The following SLX4IP variants were observed in gnomAD, a reference collection of about 807,000 sequenced individuals.
The protein encoded by SLX4IP is SLX4 interacting protein.
A neutral mutation model predicts 32.9 loss-of-function variants in SLX4IP; 34 were observed. The ratio of observed to expected loss-of-function variants is 1.03; its 90% CI spans 0.79 to 1.38. The LOEUF is 1.38. Ranked by LOEUF, SLX4IP falls within the 40% of genes most tolerant of loss-of-function variation. The probability of loss-of-function intolerance (pLI) is 0.00; values close to 1 mark genes in which losing one functional copy is unlikely to be tolerated. For synonymous variants in SLX4IP, 172 were observed against 171.7 expected (o/e 1.00, Z -0.01); for missense variants, 444 against 479.0 (o/e 0.93, Z 0.68).
intron 2 of SLX4IP, among the ~76,000 whole-genome samples, chr20:10,471,930 C>G (rs2065427992): frequency 6.6e-6 from 1 of 152,164 alleles, no homozygotes; most frequent in African/African-American, 2.4e-5. Flanking sequence ...CTAGCTTCCC[C>G]AGAGCACATG....
At chr20:10,453,898 T>G (rs1054204920) in intron 1 of SLX4IP, among the ~76,000 whole-genome samples, 7 of 152,154 alleles carry the variant, frequency 4.6e-5, no homozygotes, top group Non-Finnish European at 1.0e-4. Context: ...TTGCTGAAGT[T>G]TCTGAGAGAT....
intron 4 of SLX4IP, among the ~76,000 whole-genome samples, chr20:10,564,107 T>A (rs2066362425): frequency 8.1e-6 from 1 of 123,112 alleles, no homozygotes; most frequent in African/African-American, 3.1e-5. Flanking sequence ...TCTAGACACC[T>A]GCAGGGACAA....
At chr20:10,458,337 C>G in intron 2 of SLX4IP, 106 bp downstream of exon 2, 1 of 1,167,644 alleles carries the variant, frequency 8.6e-7, no homozygotes. Flanking sequence ...GCTTTTTACA[C>G]TTGGGACTCT....
intron 2 of SLX4IP, among the ~76,000 whole-genome samples, chr20:10,470,386 A>G (rs1312514514): frequency 1.3e-5 from 2 of 152,184 alleles, no homozygotes; most frequent in African/African-American, 4.8e-5. Context: ...TAGCCAAATA[A>G]TGTAACGATG....
intron 4 of SLX4IP, among the ~76,000 whole-genome samples, chr20:10,566,628 T>C (rs1406568136): frequency 6.6e-6 from 1 of 152,200 alleles, no homozygotes; most frequent in African/African-American, 2.4e-5. Context: ...AGGACCTTAC[T>C]CCAGTTCTAC....
chr20:10,539,498 T>TAAA (rs879928418), intron 2 of SLX4IP, among the ~76,000 whole-genome samples: 44 of 144,086 alleles, frequency 3.1e-4, no homozygotes, highest in African/African-American at 1.1e-3. Flanking sequence ...TTTGGTTTGT[T>TAAA]AAAAAAAAAA....
chr20:10,493,202 G>A (rs2065639616), intron 2 of SLX4IP, among the ~76,000 whole-genome samples: 1 of 152,108 alleles, frequency 6.6e-6, no homozygotes, highest in African/African-American at 2.4e-5. Flanking sequence ...AAACATTTGG[G>A]ATTTTGATTT....
intron 4 of SLX4IP, among the ~76,000 whole-genome samples, chr20:10,562,144 G>C (rs538472787): frequency 1.3e-5 from 2 of 152,278 alleles, no homozygotes; most frequent in South Asian, 4.1e-4. Flanking sequence ...CTGCAGGCGG[G>C]TTGCGTTAAT....
intron 4 of SLX4IP, among the ~76,000 whole-genome samples, chr20:10,596,789 A>G (rs1463117271): frequency 6.6e-6 from 1 of 152,196 alleles, no homozygotes; most frequent in African/African-American, 2.4e-5. Context: ...TGGACAAATA[A>G]ACAGATGTAG....
At chr20:10,445,450 G>A (rs1010088388) in intron 1 of SLX4IP, among the ~76,000 whole-genome samples, 1 of 150,864 alleles carries the variant, frequency 6.6e-6, no homozygotes, top group African/African-American at 2.4e-5. Context: ...CTAGTAGCTG[G>A]GATTACAGGT....
chr20:10,500,428 A>G (rs962370831), intron 2 of SLX4IP, among the ~76,000 whole-genome samples: 1 of 151,898 alleles, frequency 6.6e-6, no homozygotes, highest in African/African-American at 2.4e-5. Context: ...TGATGTGTTA[A>G]AGTTCTATGT....
At chr20:10,589,819 C>T (rs1228020307) in intron 4 of SLX4IP, among the ~76,000 whole-genome samples, 2 of 242 alleles carry the variant, frequency 8.3e-3, no homozygotes, top group Non-Finnish European at 0.019. Context: ...TATCAAAAGT[C>T]GAAAGTGACA....
At position 10,623,458 on chromosome 20, in the gene SLX4IP, G is replaced by A. The variant is rs889953622; in HGVS notation, c.*79G>A. Reference sequence around the variant, plus strand: ...CAAGAGAGCTGCGAATATAGATGCCGGGATTTTAAAGGAATTAATTAGAAT... The same window carrying A: ...CAAGAGAGCTGCGAATATAGATGCCAGGATTTTAAAGGAATTAATTAGAAT... On this transcript the variant is annotated 3_prime_UTR_variant, in exon 8 of 8. Transcript: ENST00000334534. The A allele has an allele frequency of 1.7e-5, 25 of 1,503,916 alleles. No individual in the cohort carries two copies. The highest frequency in any genetic ancestry group is 4.6e-5 in the East Asian group (2 of 43,574). The allele number at this position is 1,503,916 out of a possible 1,614,324, so 93.2% of individuals were successfully genotyped here.
chr20:10,578,758 T>TA (rs2066549880), intron 4 of SLX4IP, among the ~76,000 whole-genome samples: 1 of 152,222 alleles, frequency 6.6e-6, no homozygotes, highest in Admixed American at 6.5e-5. Flanking sequence ...TCTTTTTGAC[T>TA]ATAGCTGTCC....
chr20:10,480,004 A>T (rs2065508354), intron 2 of SLX4IP, among the ~76,000 whole-genome samples: 1 of 152,078 alleles, frequency 6.6e-6, no homozygotes, highest in Non-Finnish European at 1.5e-5. Flanking sequence ...CTCCATCTAG[A>T]ACAAACAAAC....
intron 2 of SLX4IP, among the ~76,000 whole-genome samples, chr20:10,494,720 C>T (rs1790153055): frequency 6.6e-6 from 1 of 152,072 alleles, no homozygotes; most frequent in African/African-American, 2.4e-5. Context: ...CCTTCTTCCT[C>T]CTATCTCCCC....
intron 1 of SLX4IP, among the ~76,000 whole-genome samples, chr20:10,454,117 G>A (rs1448070200): frequency 1.3e-5 from 2 of 152,006 alleles, no homozygotes; most frequent in South Asian, 4.2e-4. Flanking sequence ...GTTTTTTTCT[G>A]TATTTGGTTT....
intron 4 of SLX4IP, among the ~76,000 whole-genome samples, chr20:10,561,575 T>G (rs2066333486): frequency 6.6e-6 from 1 of 151,056 alleles, no homozygotes; most frequent in Admixed American, 6.6e-5. Context: ...AGTAGTAAGT[T>G]CTTAAGTGGT....
At chr20:10,502,698 A>C (rs1258144970) in intron 2 of SLX4IP, among the ~76,000 whole-genome samples, 1 of 150,250 alleles carries the variant, frequency 6.7e-6, no homozygotes, top group African/African-American at 2.5e-5. Flanking sequence ...CCTCCCCAAA[A>C]TTTTCTGTCT....
Sources: allele counts gnomAD v4.1 joint callset (sites outside exome capture counted in the v4.1 genomes callset), GRCh38; gene constraint gnomAD v4.1.1; transcripts MANE v1.5; gene names NCBI Gene and HGNC (gene_info 2026-07-23, HGNC 2026-07-21).